The following HHIPL1 variants were observed in gnomAD, a reference collection of about 807,000 sequenced individuals.
The protein encoded by HHIPL1 is HHIP-like protein 1.
HHIPL1 carries 43 observed loss-of-function variants against 61.8 expected under a neutral mutation model. That is an observed-to-expected ratio of 0.70 (90% CI 0.55 to 0.90). The LOEUF (loss-of-function observed/expected upper bound fraction) is 0.90. Among genes scored for constraint, HHIPL1 ranks in the 40% least tolerant of loss-of-function variants. HHIPL1 has a pLI of 0.00. For synonymous variants in HHIPL1, 482 were observed against 515.8 expected (o/e 0.93, Z 0.89); for missense variants, 1,056 against 1,157.7 (o/e 0.91, Z 1.28).
rs891830820 is a variant in HHIPL1, at chr14:99,675,759, ATG to A, written c.*138_*139del. ...TGCGGGTGTGTGCTGTCCTGGGGAC[ATG>A]TGTGAGGCGCTGCAGTGCATGTGTG... On this transcript the variant is annotated 3_prime_UTR_variant, in exon 9 of 9. Coordinates refer to ENST00000330710, the MANE Select transcript of HHIPL1 (RefSeq NM_001127258.3). The surrounding 1 kb of genome is among the most constrained non-coding windows in gnomAD (Gnocchi z 5.4). 2 of 895,898 alleles carry A rather than the reference ATG, an allele frequency of 2.2e-6. No individual in the cohort carries two copies. Among genetic ancestry groups the A allele is most frequent in the African/African-American group, 3.5e-5 (2 of 57,492 alleles). 55.5% of individuals were successfully genotyped at this position (895,898 alleles called of 1,614,324 possible).
At chr14:99,638,339 A>T in the HHIPL1 span, among the ~76,000 whole-genome samples, 1 of 152,234 alleles carries the variant, frequency 6.6e-6, no homozygotes, top group East Asian at 1.9e-4. Context: ...CAGTGGGGAC[A>T]GGCGGCCTGT....
rs1393132810 is a variant in HHIPL1 at position 99,668,188 on chromosome 14, G to A, written c.1649-34G>A. The A allele has an allele frequency of 3.0e-6, 4 of 1,347,728 alleles. No individual in the cohort carries two copies. The highest frequency in any genetic ancestry group is 2.3e-5 in the South Asian group (2 of 85,894). 83.5% of individuals were successfully genotyped at this position (1,347,728 alleles called of 1,614,324 possible). A position where few individuals can be genotyped will look rare whatever the true frequency, so the allele number is the denominator to read the frequency against. On this transcript the variant is annotated intron_variant, in intron 6 of 8. Coordinates refer to ENST00000330710, the MANE Select transcript of HHIPL1 (RefSeq NM_001127258.3). The surrounding 1 kb of genome is among the most constrained non-coding windows in gnomAD (Gnocchi z 4.7). The stretch of plus-strand genomic sequence containing the variant: ...GGCTGGCTGGGACGGTATTCCAGGT[G>A]GGGGTCTCACTAGTCACTTTGTTCT...
chr14:99,662,149 G>A (rs2056162255), intron 5 of HHIPL1, among the ~76,000 whole-genome samples: 1 of 152,172 alleles, frequency 6.6e-6, no homozygotes. Context: ...CAGGATGACA[G>A]AGATGAATAG....
chr14:99,608,680 G>A, the HHIPL1 span, among the ~76,000 whole-genome samples: 1 of 152,222 alleles, frequency 6.6e-6, no homozygotes, highest in Non-Finnish European at 1.5e-5. Flanking sequence ...AAGTGGTTAA[G>A]TGTTACTAAT....
At chr14:99,638,133 G>A in the HHIPL1 span, among the ~76,000 whole-genome samples, 6 of 152,182 alleles carry the variant, frequency 3.9e-5, no homozygotes, top group Non-Finnish European at 8.8e-5. Flanking sequence ...TGAGGTCTGC[G>A]CTGGCCCCTT....
At chr14:99,627,258 A>G in the HHIPL1 span, among the ~76,000 whole-genome samples, 1 of 151,596 alleles carries the variant, frequency 6.6e-6, no homozygotes, top group African/African-American at 2.4e-5. The surrounding 1 kb of genome is among the most constrained non-coding windows in gnomAD (Gnocchi z 4.4). Context: ...CTACCTACCC[A>G]TTCATCTATC....
chr14:99,675,450 G>A lies in HHIPL1; in HGVS notation c.2173G>A (p.Val725Ile). 6.5e-7 allele frequency: 1 copy of A among 1,539,034 alleles called. No homozygotes were observed. Among genetic ancestry groups the A allele is most frequent in the East Asian group, 2.4e-5 (1 of 40,824 alleles). ...QLGFAYAVRA[V>I]KRAEFGQGGS... ...GGGGTTTGCCTACGCCGTGCGCGCCGTCAAGAGAGCCGAGTTCGGCCAGGG... is the reference window on the plus strand; with the variant it reads ...GGGGTTTGCCTACGCCGTGCGCGCCATCAAGAGAGCCGAGTTCGGCCAGGG... Residue 725 changes from valine (V) to isoleucine (I), a missense_variant, in exon 9 of 9, where the codon GTC becomes ATC. Val to Ile is a conservative substitution (Grantham distance 29). Coordinates refer to ENST00000330710, the MANE Select transcript of HHIPL1 (RefSeq NM_001127258.3). This position sits in a 1 kb window ranked among gnomAD's most constrained non-coding sequence, Gnocchi z 5.4.
chr14:99,647,519 G>T (rs2055860788), intron 1 of HHIPL1, among the ~76,000 whole-genome samples: 1 of 152,240 alleles, frequency 6.6e-6, no homozygotes, highest in Admixed American at 6.5e-5. Flanking sequence ...AACTTCCCAG[G>T]ACAGCCTGGC....
At chr14:99,617,603 G>A in the HHIPL1 span, among the ~76,000 whole-genome samples, 3 of 152,150 alleles carry the variant, frequency 2.0e-5, no homozygotes, top group African/African-American at 4.8e-5. Flanking sequence ...TACCCTAAGA[G>A]CATGCATTGT....
At chr14:99,633,544 G>A in the HHIPL1 span, among the ~76,000 whole-genome samples, 1 of 152,226 alleles carries the variant, frequency 6.6e-6, no homozygotes, top group East Asian at 1.9e-4. Flanking sequence ...GGGCCGTGAA[G>A]CTGGGATGAG....
At chr14:99,663,434 T>C (rs2056187355) in intron 6 of HHIPL1, among the ~76,000 whole-genome samples, 1 of 152,214 alleles carries the variant, frequency 6.6e-6, no homozygotes, top group Admixed American at 6.5e-5. Context: ...GACGTTGCCA[T>C]GGCATTTGTA....
At chr14:99,645,947 GT>G (rs2055826429) in intron 1 of HHIPL1, among the ~76,000 whole-genome samples, 1 of 152,204 alleles carries the variant, frequency 6.6e-6, no homozygotes, top group Non-Finnish European at 1.5e-5. Flanking sequence ...TGTTGAGGGG[GT>G]TGGGGCCACT....
At chr14:99,647,009 G>T (rs2140051431) in intron 1 of HHIPL1, among the ~76,000 whole-genome samples, 1 of 152,268 alleles carries the variant, frequency 6.6e-6, no homozygotes, top group South Asian at 2.1e-4. Context: ...TGGCTGCCCA[G>T]CCCTGGGAAG....
intron 5 of HHIPL1, among the ~76,000 whole-genome samples, 164 bp from the exon 6 acceptor site, chr14:99,662,712 A>G (rs2056171261): frequency 1.3e-5 from 2 of 152,174 alleles, no homozygotes; most frequent in Admixed American, 6.5e-5. Context: ...TGGTCCTTGC[A>G]TGGATCAGTG....
intron 1 of HHIPL1, among the ~76,000 whole-genome samples, chr14:99,647,497 G>T (rs1244680304): frequency 6.6e-6 from 1 of 152,222 alleles, no homozygotes; most frequent in Non-Finnish European, 1.5e-5. Flanking sequence ...TCCCCTGGCA[G>T]GTTTCTTGGG....
the HHIPL1 span, among the ~76,000 whole-genome samples, chr14:99,635,772 T>C: frequency 6.6e-6 from 1 of 152,142 alleles, no homozygotes; most frequent in Non-Finnish European, 1.5e-5. Flanking sequence ...AGCTACCTGC[T>C]AGGGTTGATC....
At position 99,660,187 on chromosome 14, in the gene HHIPL1, G is replaced by C. The variant is rs1204523293; in HGVS notation, c.1376-93G>C. 1.5e-5 allele frequency: 23 copies of C among 1,487,310 alleles called. No homozygotes were observed. Among genetic ancestry groups the C allele is most frequent in the Non-Finnish European group, 2.0e-5 (22 of 1,098,276 alleles). 92.1% of individuals were successfully genotyped at this position (1,487,310 alleles called of 1,614,324 possible). ...TGGGCACGCCCCTCCCTCCGTGGCC[G>C]CCCCACCCCCGCGGAATCCCTCCGG... On this transcript the variant is annotated intron_variant, in intron 4 of 8. Coordinates refer to ENST00000330710, the MANE Select transcript of HHIPL1 (RefSeq NM_001127258.3). This position sits in a 1 kb window ranked among gnomAD's most constrained non-coding sequence, Gnocchi z 4.9.
chr14:99,613,411 G>A, the HHIPL1 span, among the ~76,000 whole-genome samples: 14 of 151,036 alleles, frequency 9.3e-5, no homozygotes, highest in African/African-American at 2.9e-4. Context: ...CCACAGCCTC[G>A]ACCTCCTGGG....
chr14:99,668,394 G>C lies in HHIPL1; in HGVS notation c.1730+91G>C. 1 of 794,740 alleles carries C rather than the reference G, an allele frequency of 1.3e-6. No homozygotes were observed. The highest frequency in any genetic ancestry group is 2.2e-6 in the Non-Finnish European group (1 of 452,190). The allele number at this position is 794,740 out of a possible 1,614,324, so 49.2% of individuals were successfully genotyped here. A position where few individuals can be genotyped will look rare whatever the true frequency, so the allele number is the denominator to read the frequency against. ...GTCCCCTCCGCCTCGCCCTCAGGTG[G>C]GTGGTATTAATCCCCATTTTCAGAC... On this transcript the variant is annotated intron_variant, in intron 7 of 8. Coordinates refer to ENST00000330710, the MANE Select transcript of HHIPL1 (RefSeq NM_001127258.3). This position sits in a 1 kb window ranked among gnomAD's most constrained non-coding sequence, Gnocchi z 4.7.
Sources: allele counts gnomAD v4.1 joint callset (sites outside exome capture counted in the v4.1 genomes callset), GRCh38; gene constraint gnomAD v4.1.1; non-coding constraint Gnocchi (gnomAD v3.1); transcripts MANE v1.5; gene names NCBI Gene and HGNC (gene_info 2026-07-23, HGNC 2026-07-21).